TRAPPC9: variants seen among roughly 807,000 people sequenced by gnomAD.
TRAPPC9 encodes the protein trafficking protein particle complex subunit 9, also known as IKK2 binding protein.
In TRAPPC9, 83 loss-of-function variants were observed where a neutral mutation model predicts 124.0. The ratio of observed to expected loss-of-function variants is 0.67; its 90% confidence interval spans 0.56 to 0.80. TRAPPC9 has a LOEUF of 0.80. Ranked by LOEUF, TRAPPC9 falls within the 30% of genes least tolerant of loss-of-function variation. TRAPPC9 has a pLI of 0.00. For missense variants in TRAPPC9, 1,302 were observed against 1,508.3 expected (o/e 0.86, Z 2.27); for synonymous variants, 638 against 617.5 (o/e 1.03, Z -0.49).
At chr8:139,777,171 C>T (rs1319642500) in intron 21 of TRAPPC9, among the ~76,000 whole-genome samples, 1 of 152,244 alleles carries the variant, frequency 6.6e-6, no homozygotes, top group Admixed American at 6.5e-5. Flanking sequence ...GTCCCCTTTC[C>T]TATGGATTTC....
rs1417902474 is a variant in TRAPPC9, at chr8:140,063,832, T to G, written c.2557-39753A>C. 6.6e-6 allele frequency among the ~76,000 whole-genome samples: 1 copy of G among 152,098 alleles called. No homozygotes were observed. The highest frequency in any genetic ancestry group is 2.4e-5 in the African/African-American group (1 of 41,406). On this transcript the variant is annotated intron_variant, in intron 17 of 22. Transcript: ENST00000438773. The surrounding 1 kb of genome is among the most constrained non-coding windows in gnomAD (Gnocchi z 4.3). ...ATGTTGCCTGCTCTCTTGTCACCCT[T>G]TCGGGTTCACAATTTGCCCGCTTCC...
intron 20 of TRAPPC9, among the ~76,000 whole-genome samples, chr8:139,894,954 T>A (rs775320264): frequency 6.6e-6 from 1 of 152,164 alleles, no homozygotes; most frequent in African/African-American, 2.4e-5. Flanking sequence ...CTGAGCCATG[T>A]TGGGCACTAC....
chr8:140,085,795 C>G (rs1379086045), intron 17 of TRAPPC9, among the ~76,000 whole-genome samples: 1 of 152,234 alleles, frequency 6.6e-6, no homozygotes, highest in East Asian at 1.9e-4. Context: ...CTGGCGCGTT[C>G]CACATGGGGA....
chr8:139,939,333 G>A (rs536416094), intron 19 of TRAPPC9, among the ~76,000 whole-genome samples: 1 of 152,366 alleles, frequency 6.6e-6, no homozygotes, highest in Admixed American at 6.5e-5. Context: ...CACACAGCAA[G>A]AGGCGTGGCG....
intron 11 of TRAPPC9, among the ~76,000 whole-genome samples, chr8:140,295,842 A>T (rs117118109): frequency 0.032 from 4,881 of 152,360 alleles, 109 homozygotes; most frequent in Admixed American, 0.067. Context: ...TACACTGCCA[A>T]AAAGATATTA....
chr8:140,444,872 A>AAAAAAAAAC (rs1425761985), intron 2 of TRAPPC9, among the ~76,000 whole-genome samples: 2 of 151,094 alleles, frequency 1.3e-5, no homozygotes, highest in Non-Finnish European at 3.0e-5. Flanking sequence ...CTCAGGAAAA[A>AAAAAAAAAC]AAAAAAAAAC....
At chr8:140,313,233 T>C (rs937677942) in intron 9 of TRAPPC9, among the ~76,000 whole-genome samples, 2 of 152,218 alleles carry the variant, frequency 1.3e-5, no homozygotes, top group African/African-American at 4.8e-5. Flanking sequence ...TATTATCTAA[T>C]TTGCCTAATG....
intron 21 of TRAPPC9, among the ~76,000 whole-genome samples, chr8:139,796,117 G>GA: frequency 6.9e-6 from 1 of 144,684 alleles, no homozygotes. Context: ...AAGAGGAGGA[G>GA]GGAGGAGGAA....
chr8:139,843,119 A>G (rs1826849343), intron 21 of TRAPPC9, among the ~76,000 whole-genome samples: 1 of 152,216 alleles, frequency 6.6e-6, no homozygotes, highest in African/African-American at 2.4e-5. Context: ...TGCCTGGCAT[A>G]TGGTGGGCAC....
chr8:139,958,038 G>A (rs2131545064), intron 19 of TRAPPC9, among the ~76,000 whole-genome samples: 1 of 152,314 alleles, frequency 6.6e-6, no homozygotes, highest in African/African-American at 2.4e-5. Context: ...GACTCTTGAT[G>A]CAAACCAGCC....
At chr8:140,207,481 C>A (rs2062954564) in intron 17 of TRAPPC9, among the ~76,000 whole-genome samples, 1 of 152,246 alleles carries the variant, frequency 6.6e-6, no homozygotes, top group Non-Finnish European at 1.5e-5. Context: ...CACAATTTTC[C>A]TGTTTAGCAA....
chr8:139,773,974 G>A (rs759775494), intron 21 of TRAPPC9, among the ~76,000 whole-genome samples: 3 of 152,218 alleles, frequency 2.0e-5, no homozygotes, highest in African/African-American at 7.2e-5. Flanking sequence ...TCGACCCTAC[G>A]AAGGAAAGCC....
intron 15 of TRAPPC9, among the ~76,000 whole-genome samples, chr8:140,271,575 T>A (rs1172449251): frequency 3.3e-5 from 5 of 151,204 alleles, no homozygotes; most frequent in African/African-American, 1.2e-4. Flanking sequence ...AGACAACCAA[T>A]GGGGGAAAAA....
At chr8:140,009,751 C>G (rs1225339478) in intron 18 of TRAPPC9, among the ~76,000 whole-genome samples, 1 of 152,200 alleles carries the variant, frequency 6.6e-6, no homozygotes, top group Non-Finnish European at 1.5e-5. Flanking sequence ...TAGCACGTCC[C>G]CCCTGCTATG....
chr8:140,303,168 C>T (rs1563930272), intron 10 of TRAPPC9, among the ~76,000 whole-genome samples: 1 of 152,146 alleles, frequency 6.6e-6, no homozygotes, highest in Non-Finnish European at 1.5e-5. Context: ...CAAAGCAACT[C>T]GAAGCTCACT....
chr8:140,439,647 T>C (rs1398531852), intron 2 of TRAPPC9, among the ~76,000 whole-genome samples: 1 of 152,240 alleles, frequency 6.6e-6, no homozygotes, highest in Non-Finnish European at 1.5e-5. Context: ...TCATCCTCGC[T>C]ATTTCAGGGC....
At chr8:140,195,687 T>G (rs1001429238) in intron 17 of TRAPPC9, among the ~76,000 whole-genome samples, 9 of 147,048 alleles carry the variant, frequency 6.1e-5, no homozygotes, top group Non-Finnish European at 3.0e-5. Context: ...CCTGTGACAT[T>G]AAAACACACT....
At chr8:140,451,432 T>C in intron 1 of TRAPPC9, 49 bp from the exon 2 acceptor site, 1 of 1,501,920 alleles carries the variant, frequency 6.7e-7, no homozygotes, top group Non-Finnish European at 9.1e-7. Context: ...TCCTGAGTGC[T>C]GAGAGCCTAC....
At chr8:139,851,691 TC>T (rs1827476087) in intron 21 of TRAPPC9, among the ~76,000 whole-genome samples, 1 of 152,140 alleles carries the variant, frequency 6.6e-6, no homozygotes, top group Admixed American at 6.5e-5. Flanking sequence ...AGGGGAAAGG[TC>T]CCGCGGACTC....
Sources: allele counts gnomAD v4.1 joint callset (sites outside exome capture counted in the v4.1 genomes callset), GRCh38; gene constraint gnomAD v4.1.1; non-coding constraint Gnocchi (gnomAD v3.1); transcripts MANE v1.5; gene names NCBI Gene and HGNC (gene_info 2026-07-23, HGNC 2026-07-21).